The following WDR70 variants were observed in gnomAD, a reference collection of about 807,000 sequenced individuals.
The protein encoded by WDR70 is WD repeat domain 70, also known as WD repeat-containing protein 70.
A neutral mutation model predicts 88.6 loss-of-function variants in WDR70; 53 were observed. The observed-to-expected ratio is 0.60, with a 90% CI of 0.48 to 0.75. The LOEUF is 0.75. Among genes scored for constraint, WDR70 ranks in the 30% least tolerant of loss-of-function variants. The pLI is 0.00. For synonymous variants in WDR70, 280 were observed against 270.0 expected (o/e 1.04, Z -0.36); for missense variants, 610 against 823.2 (o/e 0.74, Z 3.17).
chr5:37,523,230 C>A (rs1175662828), intron 9 of WDR70, among the ~76,000 whole-genome samples: 2 of 152,196 alleles, frequency 1.3e-5, no homozygotes, highest in East Asian at 1.9e-4. Context: ...TGCATCCCCC[C>A]AATAGGGGCA....
At chr5:37,598,315 G>A (rs998582489) in intron 9 of WDR70, among the ~76,000 whole-genome samples, 3 of 152,162 alleles carry the variant, frequency 2.0e-5, no homozygotes, top group Non-Finnish European at 4.4e-5. Context: ...CAGACATAAA[G>A]TGTCATTATT....
intron 9 of WDR70, among the ~76,000 whole-genome samples, chr5:37,595,076 T>G (rs1203209518): frequency 6.6e-6 from 1 of 152,186 alleles, no homozygotes; most frequent in East Asian, 1.9e-4. Flanking sequence ...TGCAATCATG[T>G]CATCTGCGAA....
intron 11 of WDR70, among the ~76,000 whole-genome samples, chr5:37,699,840 C>T (rs563859213): frequency 6.6e-5 from 10 of 151,560 alleles, no homozygotes; most frequent in South Asian, 2.1e-4. Context: ...CCCAGCTACT[C>T]GGGAGGCTGA....
At chr5:37,534,517 G>A (rs1406433522) in intron 9 of WDR70, among the ~76,000 whole-genome samples, 1 of 42,790 alleles carries the variant, frequency 2.3e-5, no homozygotes, top group African/African-American at 1.3e-4. Flanking sequence ...TTTTTTTTGT[G>A]ACAAAAGTCT....
rs774188735 is a variant in WDR70 at position 37,721,126 on chromosome 5, C to T, written c.1428C>T (p.Arg476=). The change falls in exon 14 of 18, where the codon CGC becomes CGT. Residue 476 remains arginine (R), a synonymous_variant. Transcript: ENST00000265107. ...EIDITDASVV[R]CLWHPKLNQI... The stretch of plus-strand genomic sequence containing the variant: ...CTTTTCCTTTGCAGAGTGTTGTTCG[C>T]TGCCTGTGGCATCCAAAGCTGAACC... 1 of 1,613,712 alleles carries T rather than the reference C, an allele frequency of 6.2e-7. No homozygotes were observed. The highest frequency in any genetic ancestry group is 1.1e-5 in the South Asian group (1 of 91,074).
intron 5 of WDR70, among the ~76,000 whole-genome samples, chr5:37,399,542 A>G (rs559968827): frequency 1.3e-5 from 2 of 152,370 alleles, no homozygotes; most frequent in African/African-American, 4.8e-5. Context: ...AAACATTGCC[A>G]TTAAATGATC....
chr5:37,397,794 A>G (rs1749064420), intron 5 of WDR70, among the ~76,000 whole-genome samples: 1 of 152,088 alleles, frequency 6.6e-6, no homozygotes, highest in African/African-American at 2.4e-5. Flanking sequence ...AGAGATTGAG[A>G]CCATCCTGGC....
chr5:37,456,662 A>C (rs1439416268), intron 7 of WDR70, among the ~76,000 whole-genome samples: 1 of 152,190 alleles, frequency 6.6e-6, no homozygotes, highest in Non-Finnish European at 1.5e-5. Flanking sequence ...GAGAACTTTC[A>C]TTTTATATTT....
At chr5:37,505,808 T>TA in intron 8 of WDR70, 1 of 1,401,228 alleles carries the variant, frequency 7.1e-7, no homozygotes. Flanking sequence ...CACAGTTCTC[T>TA]AAATTGGTTC....
chr5:37,681,823 G>A (rs563812626), intron 10 of WDR70, among the ~76,000 whole-genome samples: 6 of 152,042 alleles, frequency 3.9e-5, no homozygotes, highest in South Asian at 2.1e-4. Flanking sequence ...TCCTGGTTTC[G>A]GTTTACCAAT....
At chr5:37,559,594 T>G (rs1742428034) in intron 9 of WDR70, among the ~76,000 whole-genome samples, 1 of 152,140 alleles carries the variant, frequency 6.6e-6, no homozygotes, top group East Asian at 1.9e-4. Flanking sequence ...CCTGTAATCC[T>G]AGCACTTCGG....
intron 10 of WDR70, among the ~76,000 whole-genome samples, chr5:37,655,243 T>C (rs1359851352): frequency 1.3e-5 from 2 of 152,184 alleles, no homozygotes; most frequent in Admixed American, 6.5e-5. Context: ...GGTTGGAAAT[T>C]CTTTAAGAAT....
rs549773233 is a variant in WDR70, at chr5:37,506,659, C to T, written c.841-9855C>T. On this transcript the variant is annotated intron_variant, in intron 8 of 17. Transcript: ENST00000265107. ...GTCTGAAGATCAATAAATGGCTCTC[C>T]CTCACACACAAATAAAACATCATCA... 36 of 782,354 alleles carry T rather than the reference C, an allele frequency of 4.6e-5. No individual in the cohort carries two copies. In the African/African-American group the frequency reaches 5.7e-4, roughly 12 times the overall value. 48.5% of individuals were successfully genotyped at this position (782,354 alleles called of 1,614,324 possible).
chr5:37,379,503 G>A lies in WDR70; in HGVS notation c.40G>A (p.Ala14Thr), dbSNP rs549822170. 5.6e-6 allele frequency: 9 copies of A among 1,614,020 alleles called. No homozygotes were observed. The Admixed American group carries it at 1.0e-4, about 18-fold the overall frequency. The change falls in exon 2 of 18, where the codon GCG becomes ACG. Residue 14 changes from alanine to threonine, a missense_variant. Physicochemically the swap from Ala to Thr is moderately conservative, Grantham distance 58 (BLOSUM62 0). Coordinates refer to ENST00000265107, the MANE Select transcript of WDR70 (RefSeq NM_018034.4). ...SGPSEVTGSD[A>T]SGPDPQLAVT... ...TCTTGCTCCAGTGACAGGCTCAGAC[G>A]CGTCGGGACCGGACCCGCAGCTTGC... is the stretch of plus-strand genomic sequence containing the variant.
intron 10 of WDR70, among the ~76,000 whole-genome samples, chr5:37,611,319 T>G (rs1304607726): frequency 6.6e-6 from 1 of 152,162 alleles, no homozygotes; most frequent in Non-Finnish European, 1.5e-5. Context: ...TTTTGTTGCT[T>G]TTGGGATATT....
chr5:37,704,263 A>C (rs1224167833), intron 13 of WDR70, among the ~76,000 whole-genome samples: 1 of 152,238 alleles, frequency 6.6e-6, no homozygotes, highest in African/African-American at 2.4e-5. Context: ...TGAATCTATC[A>C]ACTTTCATCT....
At chr5:37,502,943 T>C (rs1166820816) in intron 8 of WDR70, among the ~76,000 whole-genome samples, 1 of 152,182 alleles carries the variant, frequency 6.6e-6, no homozygotes, top group African/African-American at 2.4e-5. Context: ...GGCCCCACCA[T>C]CAGCACTGAG....
At chr5:37,700,925 C>A in intron 11 of WDR70, 133 bp from the exon 12 acceptor site, 1 of 567,132 alleles carries the variant, frequency 1.8e-6, no homozygotes, top group Non-Finnish European at 3.1e-6. Flanking sequence ...TTTCTTTCTT[C>A]TCTCTTTCTC....
chr5:37,621,414 A>G (rs1019996044), intron 10 of WDR70, among the ~76,000 whole-genome samples: 19 of 152,166 alleles, frequency 1.2e-4, no homozygotes, highest in African/African-American at 1.7e-4. Context: ...TCTAGTTTCA[A>G]AAGTGTTTCA....
Sources: allele counts gnomAD v4.1 joint callset (sites outside exome capture counted in the v4.1 genomes callset), GRCh38; gene constraint gnomAD v4.1.1; transcripts MANE v1.5; gene names NCBI Gene and HGNC (gene_info 2026-07-23, HGNC 2026-07-21).